The following ICA1L variants were observed in gnomAD, a reference collection of about 807,000 sequenced individuals.
ICA1L encodes the protein islet cell autoantigen 1 like.
Under a neutral mutation model 61.3 loss-of-function variants are expected in ICA1L, and 50 were observed. That is an observed-to-expected ratio of 0.82 (90% CI 0.65 to 1.03). The LOEUF is 1.03. Ranked by LOEUF, ICA1L falls within the 50% of genes least tolerant of loss-of-function variation. The pLI is 0.00. For synonymous variants in ICA1L, 161 were observed against 191.3 expected (o/e 0.84, Z 1.31); for missense variants, 508 against 556.7 (o/e 0.91, Z 0.88).
At chr2:202,812,984 C>T (rs752647469) in intron 8 of ICA1L, among the ~76,000 whole-genome samples, 31 of 152,116 alleles carry the variant, frequency 2.0e-4, no homozygotes, top group African/African-American at 7.2e-4. Context: ...ATTGGCCAGG[C>T]GTGATGGCTC....
intron 1 of ICA1L, chr2:202,871,003 GA>G (rs1222847176): frequency 6.6e-6 from 1 of 152,236 alleles, no homozygotes; most frequent in African/African-American, 2.4e-5. Context: ...CCGGCCTAAG[GA>G]GCAGGATCTG....
intron 4 of ICA1L, chr2:202,820,116 G>A: frequency 2.0e-6 from 1 of 507,124 alleles, no homozygotes; most frequent in Non-Finnish European, 3.5e-6. Flanking sequence ...GCTGACGCTT[G>A]TAATCCTAGC....
chr2:202,811,548 G>A (rs1693378782), intron 9 of ICA1L, among the ~76,000 whole-genome samples, 198 bp downstream of exon 9: 1 of 151,188 alleles, frequency 6.6e-6, no homozygotes, highest in Non-Finnish European at 1.5e-5. Context: ...TGTAGTCCCA[G>A]CTACTCAGGA....
Position 202,828,992 on chromosome 2 carries a change from T to G in ICA1L, c.18A>C (p.Gln6His). Residue 6 changes from glutamine to histidine, a missense_variant, in exon 2 of 13, where the codon CAA (glutamine) becomes CAC (histidine). Coordinates refer to ENST00000358299, the MANE Select transcript of ICA1L (RefSeq NM_001288622.3). MDSFG[Q>H]PRPEDNQSVV... ...CTGACTGATTATCTTCTGGTCTGGG[T>G]TGCCCAAAGGAATCCATGGAGTGAC... The G allele has an allele frequency of 6.3e-7, 1 of 1,587,976 alleles. No homozygotes were observed. Among genetic ancestry groups the G allele is most frequent in the Non-Finnish European group, 8.5e-7 (1 of 1,170,068 alleles).
chr2:202,832,162 A>G (rs1179718817), intron 1 of ICA1L, among the ~76,000 whole-genome samples: 1 of 152,238 alleles, frequency 6.6e-6, no homozygotes, highest in South Asian at 2.1e-4. Context: ...GGCTTCTAGA[A>G]TAAAAATTCT....
chr2:202,857,035 T>A (rs561301920), intron 1 of ICA1L, among the ~76,000 whole-genome samples: 15 of 152,232 alleles, frequency 9.9e-5, no homozygotes, highest in African/African-American at 3.4e-4. Flanking sequence ...AGAATCAATA[T>A]CATGAAAATG....
chr2:202,847,192 C>T (rs1694487386), intron 1 of ICA1L, among the ~76,000 whole-genome samples: 1 of 152,080 alleles, frequency 6.6e-6, no homozygotes. Context: ...CTAATAAAAG[C>T]CTGGACCAAG....
chr2:202,851,474 G>A (rs369600403), intron 1 of ICA1L, among the ~76,000 whole-genome samples: 19 of 152,158 alleles, frequency 1.2e-4, no homozygotes, highest in East Asian at 3.8e-4. Context: ...ATAAACATAC[G>A]TGTGCATGTG....
At chr2:202,869,638 G>A (rs1164042706) in intron 1 of ICA1L, 1 of 151,958 alleles carries the variant, frequency 6.6e-6, no homozygotes, top group South Asian at 2.1e-4. Context: ...GTTAACAGTT[G>A]TTAATGTCGG....
chr2:202,788,782 CAAAGAT>C (rs1457471364), intron 11 of ICA1L, 42 bp downstream of exon 11: 8 of 1,604,214 alleles, frequency 5.0e-6, no homozygotes, highest in Admixed American at 1.7e-5. Context: ...TTTTGCTTCA[CAAAGAT>C]AAAGTAAAGC....
rs559923087 is a variant in ICA1L at position 202,818,747 on chromosome 2, A to G, written c.558+954T>C. ...TATGACTTGTTCCTCCTTGCCTTCT[A>G]TGATGATTGTGAGGCCTCCCCAGCC... On this transcript the variant is annotated intron_variant, in intron 5 of 12. Coordinates refer to ENST00000358299, the MANE Select transcript of ICA1L (RefSeq NM_001288622.3). 2.6e-5 allele frequency among the ~76,000 whole-genome samples: 4 copies of G among 152,274 alleles called. No homozygotes were observed. The South Asian group carries it at 6.2e-4, about 24-fold the overall frequency.
At chr2:202,871,200 G>C (rs1687699633) in intron 1 of ICA1L, 1 of 152,280 alleles carries the variant, frequency 6.6e-6, no homozygotes, top group African/African-American at 2.4e-5. Context: ...CCTGAAGGCT[G>C]TTCGGGTGAT....
In ICA1L at chr2:202,819,700, C is replaced by A. The variant is rs1553535519; in HGVS notation, c.558+1G>T. The A allele has an allele frequency of 6.2e-7, 1 of 1,610,344 alleles. No individual in the cohort carries two copies. The highest frequency in any genetic ancestry group is 8.5e-7 in the Non-Finnish European group (1 of 1,176,618). On this transcript the variant is annotated splice_donor_variant, in intron 5 of 12. Coordinates refer to ENST00000358299, the MANE Select transcript of ICA1L (RefSeq NM_001288622.3). LOFTEE classifies it high-confidence loss of function. ...AAAAGGAAAGGGATACGTTTTCATA[C>A]TTTTCTAAACTTTTCCATTTGCTTT...
Position 202,773,890 on chromosome 2 carries a change from AAACC to A in ICA1L, c.*5639_*5642del. 1 of 1,270,230 alleles carries A rather than the reference AAACC, an allele frequency of 7.9e-7. No homozygotes were observed. Among genetic ancestry groups the A allele is most frequent in the South Asian group, 1.2e-5 (1 of 82,574 alleles). 78.7% of individuals were successfully genotyped at this position (1,270,230 alleles called of 1,614,324 possible). A position where few individuals can be genotyped will look rare whatever the true frequency, so the allele number is the denominator to read the frequency against. The stretch of plus-strand genomic sequence containing the variant: ...GCTGAGTGGAACAGTCCTGCTAAAT[AAACC>A]AGTGGAATAAGAACAGTCAACGTAG... On this transcript the variant is annotated 3_prime_UTR_variant, in exon 13 of 13. Coordinates refer to ENST00000358299, the MANE Select transcript of ICA1L (RefSeq NM_001288622.3).
rs1459761464 is a variant in ICA1L, at chr2:202,775,859, C to A, written c.*3674G>T. 1 of 152,164 alleles carries A rather than the reference C, an allele frequency of 6.6e-6. No individual in the cohort carries two copies. The highest frequency in any genetic ancestry group is 1.5e-5 in the Non-Finnish European group (1 of 68,034). The allele number at this position is 152,164 out of a possible 1,614,324, so 9.4% of individuals were successfully genotyped here. ...TGCCCTGGTTTTATTTTCGTTCTCCCATGTCCGTATCAACTCAATGTACTT... is the reference window on the plus strand; with the variant it reads ...TGCCCTGGTTTTATTTTCGTTCTCCAATGTCCGTATCAACTCAATGTACTT... On this transcript the variant is annotated 3_prime_UTR_variant, in exon 13 of 13. Coordinates refer to ENST00000358299, the MANE Select transcript of ICA1L (RefSeq NM_001288622.3).
chr2:202,842,025 A>T (rs1694349332), intron 1 of ICA1L, among the ~76,000 whole-genome samples: 1 of 149,832 alleles, frequency 6.7e-6, no homozygotes, highest in Non-Finnish European at 1.5e-5. Flanking sequence ...TAATTTTGGT[A>T]TTTTTTTTTA....
intron 1 of ICA1L, among the ~76,000 whole-genome samples, chr2:202,859,266 A>T (rs4673238): frequency 0.41 from 63,075 of 152,064 alleles, 14,157 homozygotes; most frequent in East Asian, 0.62. Flanking sequence ...AATTCAGATT[A>T]TAAATATAAA....
At chr2:202,785,524 G>A (rs547531366) in intron 12 of ICA1L, among the ~76,000 whole-genome samples, 2 of 152,252 alleles carry the variant, frequency 1.3e-5, no homozygotes, top group African/African-American at 4.8e-5. Context: ...CCGGGTTAGA[G>A]CAATTCTGCC....
At chr2:202,779,799 A>AT (rs369496549) in intron 12 of ICA1L, 151 bp from the exon 13 acceptor site, 7,875 of 435,680 alleles carry the variant, frequency 0.018, 29 homozygotes, top group African/African-American at 0.036. Flanking sequence ...TCCCTTTAAG[A>AT]TTTTTTTTTT....
Sources: allele counts gnomAD v4.1 joint callset (sites outside exome capture counted in the v4.1 genomes callset), GRCh38; gene constraint gnomAD v4.1.1; transcripts MANE v1.5; gene names NCBI Gene and HGNC (gene_info 2026-07-23, HGNC 2026-07-21).